Variants in SOX11 observed in about 807,000 individuals in gnomAD.
The protein encoded by SOX11 is transcription factor SOX-11.
SOX11 carries 5 observed loss-of-function variants against 16.7 expected under a neutral mutation model. The ratio of observed to expected loss-of-function variants is 0.30; its 90% CI spans 0.16 to 0.63. The LOEUF (loss-of-function observed/expected upper bound fraction) is 0.63, where lower values mean the gene tolerates loss of function less well. Among genes scored for constraint, SOX11 ranks in the 20% least tolerant of loss-of-function variants. The pLI is 0.82. For synonymous variants in SOX11, 363 were observed against 298.8 expected, an observed-to-expected ratio of 1.21 and a Z score of -2.22; for missense variants, 492 against 641.5, an observed-to-expected ratio of 0.77 and a Z score of 2.52.
Position 5,696,780 on chromosome 2 carries a change from G to C in SOX11, c.*2733G>C, listed in dbSNP as rs998643657. 6.6e-6 allele frequency: 1 copy of C among 152,664 alleles called. No homozygotes were observed. The allele number at this position is 152,664 out of a possible 1,614,324, so 9.5% of individuals were successfully genotyped here. On this transcript the variant is annotated 3_prime_UTR_variant, in exon 1 of 1. Coordinates refer to ENST00000322002, the MANE Select transcript of SOX11 (RefSeq NM_003108.4). Reference sequence around the variant, plus strand: ...AAGAAAGCAAACCCGGGGAGCAGGCGGCTGCCGCACCCGCGCACCCCGGGC... The same window carrying C: ...AAGAAAGCAAACCCGGGGAGCAGGCCGCTGCCGCACCCGCGCACCCCGGGC...
Position 5,697,932 on chromosome 2 carries a change from C to T in SOX11, c.*3885C>T, listed in dbSNP as rs1665770763. The T allele has an allele frequency of 6.0e-6, 1 of 167,078 alleles. No individual in the cohort carries two copies. Among genetic ancestry groups the T allele is most frequent in the African/African-American group, 2.4e-5 (1 of 41,438 alleles). 10.3% of individuals were successfully genotyped at this position (167,078 alleles called of 1,614,324 possible). On this transcript the variant is annotated 3_prime_UTR_variant, in exon 1 of 1. Transcript: ENST00000322002. ...CTTGGCATGTCTTTTCTGTTTTAATCATAGATGAATCTTGGACATTTTCTG... is the reference window on the plus strand; with the variant it reads ...CTTGGCATGTCTTTTCTGTTTTAATTATAGATGAATCTTGGACATTTTCTG...
Position 5,696,023 on chromosome 2 carries a change from G to A in SOX11, c.*1976G>A. On this transcript the variant is annotated 3_prime_UTR_variant, in exon 1 of 1. Transcript: ENST00000322002. ...TGCCAGCTCCCTTGGTCGGGGTCCTGCTCGCTGGGGCTTGTGTGTTCTCTG... is the reference window on the plus strand; with the variant it reads ...TGCCAGCTCCCTTGGTCGGGGTCCTACTCGCTGGGGCTTGTGTGTTCTCTG... 1 of 165,960 alleles carries A rather than the reference G, an allele frequency of 6.0e-6. No homozygotes were observed. The allele number at this position is 165,960 out of a possible 1,614,324, so 10.3% of individuals were successfully genotyped here. A position where few individuals can be genotyped will look rare whatever the true frequency, so the allele number is the denominator to read the frequency against.
rs904256986 is a variant in SOX11, at chr2:5,699,967, A to G, written c.*5920A>G. The stretch of plus-strand genomic sequence containing the variant: ...TATAAAACGGCTTACAAAGGGAGAC[A>G]CAAGCTCATAATGTTCCATGTATAA... On this transcript the variant is annotated 3_prime_UTR_variant, in exon 1 of 1. Transcript: ENST00000322002. 2 of 167,064 alleles carry G rather than the reference A, an allele frequency of 1.2e-5. No individual in the cohort carries two copies. Among genetic ancestry groups the G allele is most frequent in the Non-Finnish European group, 2.9e-5 (2 of 68,122 alleles). The allele number at this position is 167,064 out of a possible 1,614,324, so 10.3% of individuals were successfully genotyped here.
rs1027825246 is a variant in SOX11 at position 5,700,474 on chromosome 2, C to G, written c.*6427C>G. On this transcript the variant is annotated 3_prime_UTR_variant, in exon 1 of 1. Transcript: ENST00000322002. ...AATTTATCATATAAAGAATTTTGAT[C>G]AAATAGATATTGACAAAGGGCCCTC... The G allele has an allele frequency of 1.8e-5, 3 of 164,916 alleles. No homozygotes were observed. Among genetic ancestry groups the G allele is most frequent in the Admixed American group, 6.6e-5 (1 of 15,054 alleles). The allele number at this position is 164,916 out of a possible 1,614,324, so 10.2% of individuals were successfully genotyped here. A position where few individuals can be genotyped will look rare whatever the true frequency, so the allele number is the denominator to read the frequency against.
chr2:5,699,712 T>TA lies in SOX11; in HGVS notation c.*5665_*5666insA, dbSNP rs1665801688. On this transcript the variant is annotated 3_prime_UTR_variant, in exon 1 of 1. Transcript: ENST00000322002. ...CTTCCATTTTACTTACTGCTGGCTT[T>TA]TTTTTTTTTTTTTTTCCTTGATTCC... The TA allele has an allele frequency of 3.7e-5, 2 of 53,836 alleles. No individual in the cohort carries two copies. Among genetic ancestry groups the TA allele is most frequent in the South Asian group, 1.1e-3 (2 of 1,844 alleles). The allele number at this position is 53,836 out of a possible 1,614,324, so 3.3% of individuals were successfully genotyped here.
rs1303675952 is a variant in SOX11, at chr2:5,693,819, C to T, written c.1098C>T (p.Ser366=). 1 of 1,552,336 alleles carries T rather than the reference C, an allele frequency of 6.4e-7. No individual in the cohort carries two copies. ...CCGACGACCTGATGTTCGACCTGAG[C>T]TTGAATTTCTCTCAAAGCGCGCACA... is the stretch of plus-strand genomic sequence containing the variant. ...EDADDLMFDL[S]LNFSQSAHSA... Residue 366 remains serine, a synonymous_variant, in exon 1 of 1, where the codon AGC becomes AGT. Transcript: ENST00000322002. The surrounding 1 kb of genome is among the most constrained non-coding windows in gnomAD (Gnocchi z 8.6).
rs954334383 is a variant in SOX11, at chr2:5,697,137, T to C, written c.*3090T>C. On this transcript the variant is annotated 3_prime_UTR_variant, in exon 1 of 1. Transcript: ENST00000322002. ...CATCCGCCGCCTCTTTTCTGCTGGG[T>C]CTGGGAGGAGGGAGGCTGGGAGGCC... 6.1e-6 allele frequency: 1 copy of C among 164,010 alleles called. No homozygotes were observed. 10.2% of individuals were successfully genotyped at this position (164,010 alleles called of 1,614,324 possible).
Position 5,699,199 on chromosome 2 carries a change from A to T in SOX11, c.*5152A>T, listed in dbSNP as rs1056117245. On this transcript the variant is annotated 3_prime_UTR_variant, in exon 1 of 1. Transcript: ENST00000322002. ...ATATATTTGTGCTTTTTTCTTATGTAGGAAGACCAGCGAAAATAGTTTACT... is the reference window on the plus strand; with the variant it reads ...ATATATTTGTGCTTTTTTCTTATGTTGGAAGACCAGCGAAAATAGTTTACT... 2 of 166,882 alleles carry T rather than the reference A, an allele frequency of 1.2e-5. No homozygotes were observed. The highest frequency in any genetic ancestry group is 2.4e-5 in the African/African-American group (1 of 41,442). The allele number at this position is 166,882 out of a possible 1,614,324, so 10.3% of individuals were successfully genotyped here.
At position 5,700,431 on chromosome 2, in the gene SOX11, AAAAG is replaced by A. The variant is rs201945553; in HGVS notation, c.*6385_*6388del. The stretch of plus-strand genomic sequence containing the variant: ...TACATTTCCCCTTCCAAAAAAAAAA[AAAAG>A]GACAACTGGAAGTAATTTATCATAT... On this transcript the variant is annotated 3_prime_UTR_variant, in exon 1 of 1. Coordinates refer to ENST00000322002, the MANE Select transcript of SOX11 (RefSeq NM_003108.4). 4.6e-4 allele frequency: 74 copies of A among 160,126 alleles called. No homozygotes were observed. Among genetic ancestry groups the A allele is most frequent in the East Asian group, 3.3e-3 (17 of 5,110 alleles). 9.9% of individuals were successfully genotyped at this position (160,126 alleles called of 1,614,324 possible).
At position 5,698,675 on chromosome 2, in the gene SOX11, A is replaced by T. The variant is rs1398852270; in HGVS notation, c.*4628A>T. 1.8e-5 allele frequency: 3 copies of T among 167,120 alleles called. No homozygotes were observed. 10.4% of individuals were successfully genotyped at this position (167,120 alleles called of 1,614,324 possible). A position where few individuals can be genotyped will look rare whatever the true frequency, so the allele number is the denominator to read the frequency against. On this transcript the variant is annotated 3_prime_UTR_variant, in exon 1 of 1. Transcript: ENST00000322002. ...TGTAGAATGATTATCCTTTAGCTAG[A>T]GAAAGAAATCATTACAACTCTTTTG... is the stretch of plus-strand genomic sequence containing the variant.
At position 5,697,121 on chromosome 2, in the gene SOX11, CCT is replaced by C. The variant is rs1409311381; in HGVS notation, c.*3077_*3078del. The C allele has an allele frequency of 3.1e-5, 5 of 163,028 alleles. No homozygotes were observed. In the East Asian group the frequency reaches 7.9e-4, roughly 26 times the overall value. The allele number at this position is 163,028 out of a possible 1,614,324, so 10.1% of individuals were successfully genotyped here. On this transcript the variant is annotated 3_prime_UTR_variant, in exon 1 of 1. Coordinates refer to ENST00000322002, the MANE Select transcript of SOX11 (RefSeq NM_003108.4). ...CCGCCCCCCTTCCGAGCATCCGCCG[CCT>C]CTTTTCTGCTGGGTCTGGGAGGAGG...
At position 5,692,688 on chromosome 2, in the gene SOX11, G is replaced by A; in HGVS notation, c.-34G>A. On this transcript the variant is annotated 5_prime_UTR_variant, in exon 1 of 1. Coordinates refer to ENST00000322002, the MANE Select transcript of SOX11 (RefSeq NM_003108.4). ...GGGGACCTCCGCACGAGACCCAGCG[G>A]CCCGGGTTGGAGCGTCCAGCCCTGC... 1.3e-6 allele frequency: 2 copies of A among 1,516,054 alleles called. No homozygotes were observed. The highest frequency in any genetic ancestry group is 1.4e-5 in the African/African-American group (1 of 72,784). 93.9% of individuals were successfully genotyped at this position (1,516,054 alleles called of 1,614,324 possible). A position where few individuals can be genotyped will look rare whatever the true frequency, so the allele number is the denominator to read the frequency against.
rs1301659137 is a variant in SOX11, at chr2:5,694,397, G to GTAATTACTAT, written c.*352_*361dup. 1 of 176,320 alleles carries GTAATTACTAT rather than the reference G, an allele frequency of 5.7e-6. No homozygotes were observed. The highest frequency in any genetic ancestry group is 1.3e-5 in the Non-Finnish European group (1 of 77,868). 10.9% of individuals were successfully genotyped at this position (176,320 alleles called of 1,614,324 possible). A position where few individuals can be genotyped will look rare whatever the true frequency, so the allele number is the denominator to read the frequency against. On this transcript the variant is annotated 3_prime_UTR_variant, in exon 1 of 1. Coordinates refer to ENST00000322002, the MANE Select transcript of SOX11 (RefSeq NM_003108.4). ...TTATTTTCCCAAAAAATGTGTTTTT[G>GTAATTACTAT]TAATTACTATTTCTTTTTCCTGAAA... is the stretch of plus-strand genomic sequence containing the variant.
In SOX11 at chr2:5,692,541, A is replaced by C; in HGVS notation, c.-181A>C. 2.1e-6 allele frequency: 1 copy of C among 467,842 alleles called. No individual in the cohort carries two copies. The highest frequency in any genetic ancestry group is 3.5e-6 in the Non-Finnish European group (1 of 285,598). The allele number at this position is 467,842 out of a possible 1,614,324, so 29.0% of individuals were successfully genotyped here. A position where few individuals can be genotyped will look rare whatever the true frequency, so the allele number is the denominator to read the frequency against. On this transcript the variant is annotated 5_prime_UTR_variant, in exon 1 of 1. Coordinates refer to ENST00000322002, the MANE Select transcript of SOX11 (RefSeq NM_003108.4). ...ACCGCGCCGGCGGCCGTCGTCGCCGAAGCCACCACAGCCGCTGTGTGCAGC... is the reference window on the plus strand; with the variant it reads ...ACCGCGCCGGCGGCCGTCGTCGCCGCAGCCACCACAGCCGCTGTGTGCAGC...
rs775567113 is a variant in SOX11, at chr2:5,693,132, C to T, written c.411C>T (p.Ser137=). 20 of 1,609,794 alleles carry T rather than the reference C, an allele frequency of 1.2e-5. No individual in the cohort carries two copies. The highest frequency in any genetic ancestry group is 1.7e-5 in the Non-Finnish European group (20 of 1,178,510). ...DPSAKPSASQ[S]PEKSAAGGGG... is the part of the protein sequence containing the mutation. Reference sequence around the variant, plus strand: ...CGGCCAAGCCCAGCGCCAGCCAGAGCCCAGAGAAGAGCGCGGCCGGCGGCG... The same window carrying T: ...CGGCCAAGCCCAGCGCCAGCCAGAGTCCAGAGAAGAGCGCGGCCGGCGGCG... Residue 137 remains serine, a synonymous_variant, in exon 1 of 1, where the codon AGC becomes AGT. Coordinates refer to ENST00000322002, the MANE Select transcript of SOX11 (RefSeq NM_003108.4). The surrounding 1 kb of genome is among the most constrained non-coding windows in gnomAD (Gnocchi z 8.6).
chr2:5,694,104 G>A lies in SOX11; in HGVS notation c.*57G>A, dbSNP rs1665687508. The A allele has an allele frequency of 7.4e-6, 11 of 1,487,400 alleles. No individual in the cohort carries two copies. The highest frequency in any genetic ancestry group is 2.4e-5 in the Admixed American group (1 of 41,932). The allele number at this position is 1,487,400 out of a possible 1,614,324, so 92.1% of individuals were successfully genotyped here. ...GGGTGCAGAGCTGGGTTCCTTGGGAGGAAGTTGTAGTGGTGATGATGATGA... is the reference window on the plus strand; with the variant it reads ...GGGTGCAGAGCTGGGTTCCTTGGGAAGAAGTTGTAGTGGTGATGATGATGA... On this transcript the variant is annotated 3_prime_UTR_variant, in exon 1 of 1. Transcript: ENST00000322002.
Position 5,698,885 on chromosome 2 carries a change from A to G in SOX11, c.*4838A>G, listed in dbSNP as rs1237340001. 6.0e-6 allele frequency: 1 copy of G among 167,094 alleles called. No individual in the cohort carries two copies. The highest frequency in any genetic ancestry group is 2.4e-5 in the African/African-American group (1 of 41,476). The allele number at this position is 167,094 out of a possible 1,614,324, so 10.4% of individuals were successfully genotyped here. A position where few individuals can be genotyped will look rare whatever the true frequency, so the allele number is the denominator to read the frequency against. Reference sequence around the variant, plus strand: ...TATTAGTACAGTACAAGAAATTTACATTTGTTTTTTACTTCAGAATTTAAG... The same window carrying G: ...TATTAGTACAGTACAAGAAATTTACGTTTGTTTTTTACTTCAGAATTTAAG... On this transcript the variant is annotated 3_prime_UTR_variant, in exon 1 of 1. Transcript: ENST00000322002.
chr2:5,698,573 A>G lies in SOX11; in HGVS notation c.*4526A>G, dbSNP rs987473624. 2 of 167,094 alleles carry G rather than the reference A, an allele frequency of 1.2e-5. No homozygotes were observed. The highest frequency in any genetic ancestry group is 1.3e-4 in the Admixed American group (2 of 15,296). 10.4% of individuals were successfully genotyped at this position (167,094 alleles called of 1,614,324 possible). On this transcript the variant is annotated 3_prime_UTR_variant, in exon 1 of 1. Coordinates refer to ENST00000322002, the MANE Select transcript of SOX11 (RefSeq NM_003108.4). ...ATTTAAAAAAAAAAAAAATGCTAAT[A>G]AAAGGCAGTGTACTTAAACTGTGCT...
chr2:5,697,063 G>A lies in SOX11; in HGVS notation c.*3016G>A, dbSNP rs1045751311. The A allele has an allele frequency of 7.6e-5, 12 of 158,284 alleles. No homozygotes were observed. Among genetic ancestry groups the A allele is most frequent in the African/African-American group, 2.9e-4 (12 of 41,370 alleles). The allele number at this position is 158,284 out of a possible 1,614,324, so 9.8% of individuals were successfully genotyped here. ...GAGCCCTCGCGGCAGGCCCGAGCAGGCGATCGCGGCCGGGCACGCGCGCCC... is the reference window on the plus strand; with the variant it reads ...GAGCCCTCGCGGCAGGCCCGAGCAGACGATCGCGGCCGGGCACGCGCGCCC... On this transcript the variant is annotated 3_prime_UTR_variant, in exon 1 of 1. Transcript: ENST00000322002.
Sources: allele counts gnomAD v4.1 joint callset, GRCh38; gene constraint gnomAD v4.1.1; non-coding constraint Gnocchi (gnomAD v3.1); transcripts MANE v1.5; gene names NCBI Gene and HGNC (gene_info 2026-07-23, HGNC 2026-07-21).